Variants in NCAM2 observed in about 807,000 individuals in gnomAD.
The protein encoded by NCAM2 is N-CAM-2.
NCAM2 carries 30 observed loss-of-function variants against 98.1 expected under a neutral mutation model. The observed-to-expected ratio is 0.31, with a 90% CI of 0.23 to 0.41. The LOEUF is 0.41. NCAM2 is among the 10% of genes least tolerant of loss of function. The pLI is 1.00. For missense variants in NCAM2, 867 were observed against 1,005.8 expected, an observed-to-expected ratio of 0.86 and a Z score of 1.87; for synonymous variants, 368 against 342.4, an observed-to-expected ratio of 1.07 and a Z score of -0.83.
At chr21:21,431,925 A>G (rs1409987424) in intron 11 of NCAM2, among the ~76,000 whole-genome samples, 183 bp from the exon 12 acceptor site, 1 of 152,192 alleles carries the variant, frequency 6.6e-6, no homozygotes, top group Non-Finnish European at 1.5e-5. Context: ...AAGTTGACTC[A>G]TGTATACTTT....
At chr21:21,141,187 C>T (rs2826700) in intron 1 of NCAM2, among the ~76,000 whole-genome samples, 103,460 of 151,986 alleles carry the variant, frequency 0.68, 35,263 homozygotes, top group East Asian at 0.87. Context: ...TCAAGTTTTT[C>T]GCTAGAAATT....
intron 1 of NCAM2, among the ~76,000 whole-genome samples, chr21:21,273,315 T>C (rs780340338): frequency 7.3e-5 from 11 of 151,708 alleles, no homozygotes; most frequent in Non-Finnish European, 1.6e-4. Context: ...GGAAGATAGA[T>C]AGAACACCAA....
At chr21:21,026,817 A>ATT (rs2064556118) in intron 1 of NCAM2, among the ~76,000 whole-genome samples, 1 of 147,510 alleles carries the variant, frequency 6.8e-6, no homozygotes, top group Non-Finnish European at 1.5e-5. Context: ...CCTATATGAG[A>ATT]TTTTTAACCA....
Position 21,508,990 on chromosome 21 carries a change from G to A in NCAM2, c.2217G>A (p.Met739Ile). 6.2e-7 allele frequency: 1 copy of A among 1,613,600 alleles called. No individual in the cohort carries two copies. Among genetic ancestry groups the A allele is most frequent in the Non-Finnish European group, 8.5e-7 (1 of 1,179,770 alleles). The change falls in exon 16 of 18, where the codon ATG (methionine) becomes ATA (isoleucine). Residue 739 changes from methionine (M) to isoleucine (I), a missense_variant. Physicochemically the swap from Met to Ile is conservative, Grantham distance 10. This residue lies in a region of NCAM2 where 125 missense variants were observed against 116.1 expected (regional missense o/e 1.08). Transcript: ENST00000400546. The part of the protein sequence containing the change: ...CGLLMCITRR[M>I]CGKKSGSSGK... Reference sequence around the variant, plus strand: ...TGCTGATGTGCATCACTAGGAGAATGTGTGGAAAGAAAAGTGGCTCCAGTG... The same window carrying A: ...TGCTGATGTGCATCACTAGGAGAATATGTGGAAAGAAAAGTGGCTCCAGTG...
intron 1 of NCAM2, among the ~76,000 whole-genome samples, chr21:21,183,924 G>T (rs989121701): frequency 6.6e-6 from 1 of 152,078 alleles, no homozygotes; most frequent in Non-Finnish European, 1.5e-5. Context: ...AGATCTAGCA[G>T]TTGATACATG....
chr21:21,495,412 G>A (rs1277665360), intron 15 of NCAM2, among the ~76,000 whole-genome samples: 1 of 151,880 alleles, frequency 6.6e-6, no homozygotes, highest in Non-Finnish European at 1.5e-5. Context: ...AGGAGAGAGG[G>A]AAGACTGGAC....
At chr21:21,471,150 A>G (rs982344225) in intron 14 of NCAM2, among the ~76,000 whole-genome samples, 1 of 152,008 alleles carries the variant, frequency 6.6e-6, no homozygotes, top group Non-Finnish European at 1.5e-5. Context: ...TCTCAGCTCA[A>G]CTGCCCAGCT....
intron 1 of NCAM2, among the ~76,000 whole-genome samples, chr21:21,043,231 A>G (rs2146267507): frequency 6.6e-6 from 1 of 152,340 alleles, no homozygotes; most frequent in Non-Finnish European, 1.5e-5. Flanking sequence ...GAGTTTATAT[A>G]GGAAATTTAA....
intron 1 of NCAM2, among the ~76,000 whole-genome samples, chr21:21,032,093 C>T (rs914833497): frequency 2.0e-5 from 3 of 151,972 alleles, no homozygotes; most frequent in South Asian, 4.2e-4. Flanking sequence ...CAATGGTGAG[C>T]GTACGAATTT....
At position 21,432,261 on chromosome 21, in the gene NCAM2, T is replaced by C. The variant is rs770617725; in HGVS notation, c.1634T>C (p.Val545Ala). 1.2e-5 allele frequency: 19 copies of C among 1,613,932 alleles called. No homozygotes were observed. The highest frequency in any genetic ancestry group is 1.6e-5 in the Non-Finnish European group (19 of 1,179,946). Reference sequence around the variant, plus strand: ...GTAGCGTCAGAAATCTGGAAAATTGTACGCTCCCATGGAGTTCAAAGTGAG... The same window carrying C: ...GTAGCGTCAGAAATCTGGAAAATTGCACGCTCCCATGGAGTTCAAAGTGAG... Reference protein sequence around the residue: ...KEVASEIWKIVRSHGVQTMVV... With the variant: ...KEVASEIWKIARSHGVQTMVV... The change falls in exon 12 of 18, where the codon GTA (valine) becomes GCA (alanine). Residue 545 changes from valine (V) to alanine (A), a missense_variant. Val to Ala is a moderately conservative substitution (Grantham distance 64). Transcript: ENST00000400546.
At chr21:21,039,943 C>G (rs920665280) in intron 1 of NCAM2, among the ~76,000 whole-genome samples, 3 of 152,074 alleles carry the variant, frequency 2.0e-5, no homozygotes, top group African/African-American at 7.2e-5. Flanking sequence ...TGACAGCTTC[C>G]CAGAGAGGGG....
chr21:21,199,068 C>T (rs2069114997), intron 1 of NCAM2, among the ~76,000 whole-genome samples: 1 of 151,972 alleles, frequency 6.6e-6, no homozygotes, highest in Non-Finnish European at 1.5e-5. Context: ...TAAATGTAAC[C>T]CAGTTTGTAT....
intron 1 of NCAM2, among the ~76,000 whole-genome samples, chr21:21,034,428 G>A (rs1479054429): frequency 6.6e-6 from 1 of 152,042 alleles, no homozygotes; most frequent in Non-Finnish European, 1.5e-5. Flanking sequence ...TTTGAATCAG[G>A]TATTCCAGTG....
At chr21:21,389,162 C>T (rs961106881) in intron 9 of NCAM2, among the ~76,000 whole-genome samples, 2 of 152,180 alleles carry the variant, frequency 1.3e-5, no homozygotes, top group African/African-American at 4.8e-5. Context: ...CACAGTTCCA[C>T]ATGGGTGGGG....
intron 1 of NCAM2, among the ~76,000 whole-genome samples, chr21:21,186,719 C>T (rs1327413720): frequency 6.6e-6 from 1 of 151,800 alleles, no homozygotes; most frequent in Non-Finnish European, 1.5e-5. Flanking sequence ...ATTTTTATTC[C>T]TTCATATATA....
At chr21:21,452,874 G>T (rs1981429274) in intron 12 of NCAM2, among the ~76,000 whole-genome samples, 1 of 93,694 alleles carries the variant, frequency 1.1e-5, no homozygotes, top group East Asian at 3.2e-4. Context: ...ACATTTCTAT[G>T]AATTACATTA....
chr21:21,425,729 GA>G (rs1388350372), intron 11 of NCAM2, among the ~76,000 whole-genome samples: 1 of 152,084 alleles, frequency 6.6e-6, no homozygotes, highest in African/African-American at 2.4e-5. Context: ...CAAATATTGT[GA>G]AAAAGTCTAA....
chr21:21,135,939 TA>T (rs11377639), intron 1 of NCAM2, among the ~76,000 whole-genome samples: 1 of 151,736 alleles, frequency 6.6e-6, no homozygotes, highest in Non-Finnish European at 1.5e-5. Flanking sequence ...CCCATGTATT[TA>T]AAAAAAATTG....
chr21:21,479,307 G>T (rs888107856), intron 15 of NCAM2, among the ~76,000 whole-genome samples: 3 of 151,982 alleles, frequency 2.0e-5, no homozygotes, highest in Admixed American at 2.0e-4. Flanking sequence ...TTGTTGGCCG[G>T]GCGCGGTGGC....
Sources: allele counts gnomAD v4.1 joint callset (sites outside exome capture counted in the v4.1 genomes callset), GRCh38; gene constraint gnomAD v4.1.1; regional missense constraint gnomAD v4.1.1; transcripts MANE v1.5; gene names NCBI Gene and HGNC (gene_info 2026-07-23, HGNC 2026-07-21).